The following LRP1B variants were observed in gnomAD, a reference collection of about 807,000 sequenced individuals.
LRP1B encodes low-density lipoprotein receptor-related protein 1B.
Under a neutral mutation model 556.6 loss-of-function variants are expected in LRP1B, and 217 were observed. The observed-to-expected ratio is 0.39, with a 90% CI of 0.35 to 0.44. LRP1B has a LOEUF of 0.44. LRP1B is among the 20% of genes least tolerant of loss of function. LRP1B has a pLI of 1.00. For synonymous variants in LRP1B, 2,047 were observed against 1,865.8 expected, an observed-to-expected ratio of 1.10 and a Z score of -2.50; for missense variants, 5,053 against 5,620.8, an observed-to-expected ratio of 0.90 and a Z score of 3.23.
At chr2:141,086,811 A>C (rs371986498) in intron 7 of LRP1B, among the ~76,000 whole-genome samples, 79 of 152,294 alleles carry the variant, frequency 5.2e-4, no homozygotes, top group African/African-American at 1.9e-3. Flanking sequence ...AGACACCCTC[A>C]GAAGCCAGCC....
intron 83 of LRP1B, among the ~76,000 whole-genome samples, chr2:140,301,190 C>T (rs1395243502): frequency 6.6e-6 from 1 of 151,992 alleles, no homozygotes; most frequent in African/African-American, 2.4e-5. Context: ...TCGATTCTAC[C>T]TTTCTAAAGG....
At chr2:140,578,665 C>T (rs1160016874) in intron 43 of LRP1B, among the ~76,000 whole-genome samples, 1 of 152,078 alleles carries the variant, frequency 6.6e-6, no homozygotes, top group Non-Finnish European at 1.5e-5. Context: ...GTGTGCAGCA[C>T]ACCAACATGG....
chr2:140,655,540 G>T (rs900922635), intron 41 of LRP1B, among the ~76,000 whole-genome samples: 1 of 152,152 alleles, frequency 6.6e-6, no homozygotes, highest in African/African-American at 2.4e-5. Context: ...TCATTCCTAG[G>T]TGCAGGAAGA....
intron 1 of LRP1B, among the ~76,000 whole-genome samples, chr2:142,118,249 C>G (rs894790521): frequency 2.6e-5 from 4 of 152,118 alleles, no homozygotes; most frequent in Non-Finnish European, 5.9e-5. Context: ...CGTGATGGAG[C>G]CATTACTGTT....
chr2:140,349,186 A>G (rs1681841555), intron 77 of LRP1B, among the ~76,000 whole-genome samples: 1 of 152,040 alleles, frequency 6.6e-6, no homozygotes, highest in African/African-American at 2.4e-5. Flanking sequence ...AGACCCCTGA[A>G]CTAGAACCCT....
At chr2:140,456,163 G>A (rs1687099309) in intron 62 of LRP1B, among the ~76,000 whole-genome samples, 2 of 152,090 alleles carry the variant, frequency 1.3e-5, no homozygotes, top group Non-Finnish European at 2.9e-5. Flanking sequence ...TTCCTGCTCT[G>A]TTTAAACTCC....
chr2:141,972,131 T>C (rs1056148498), intron 1 of LRP1B, among the ~76,000 whole-genome samples: 5 of 151,614 alleles, frequency 3.3e-5, no homozygotes, highest in African/African-American at 9.7e-5. Flanking sequence ...ACATGTATAT[T>C]ATTTTCCAAA....
chr2:140,981,170 G>A (rs767826068), intron 18 of LRP1B, among the ~76,000 whole-genome samples: 18 of 151,776 alleles, frequency 1.2e-4, no homozygotes, highest in African/African-American at 3.1e-4. Context: ...TGATGAGTGC[G>A]CTAAAATCTT....
intron 23 of LRP1B, among the ~76,000 whole-genome samples, chr2:140,899,785 G>T (rs760215222): frequency 1.3e-5 from 2 of 152,138 alleles, no homozygotes; most frequent in Non-Finnish European, 2.9e-5. Context: ...GCAACTTATC[G>T]ATAGAGGGCT....
intron 2 of LRP1B, among the ~76,000 whole-genome samples, chr2:141,489,692 C>T (rs995969877): frequency 3.3e-5 from 5 of 152,000 alleles, no homozygotes; most frequent in African/African-American, 7.2e-5. Flanking sequence ...ATTACTTTTA[C>T]GTCTGAGCTA....
intron 16 of LRP1B, 36 bp from the exon 17 acceptor site, chr2:140,989,693 A>G: frequency 6.2e-7 from 1 of 1,605,640 alleles, no homozygotes; most frequent in South Asian, 1.1e-5. Context: ...AATTATTTAA[A>G]ATTGGATAAA....
At chr2:142,104,073 C>T (rs910786064) in intron 1 of LRP1B, among the ~76,000 whole-genome samples, 2 of 152,108 alleles carry the variant, frequency 1.3e-5, no homozygotes, top group Non-Finnish European at 2.9e-5. Flanking sequence ...CAATTCTTTT[C>T]CACTTCCTTT....
At chr2:140,677,068 G>T (rs1685695755) in intron 41 of LRP1B, among the ~76,000 whole-genome samples, 1 of 152,202 alleles carries the variant, frequency 6.6e-6, no homozygotes, top group Admixed American at 6.5e-5. Flanking sequence ...TGTCAATAGA[G>T]ATTAGCAATG....
chr2:140,900,683 A>C (rs1694078328), intron 23 of LRP1B, among the ~76,000 whole-genome samples: 3 of 152,218 alleles, frequency 2.0e-5, no homozygotes, highest in Admixed American at 2.0e-4. Flanking sequence ...AAAAGTCTGT[A>C]ACCTGAATTC....
At chr2:141,049,357 A>G in intron 10 of LRP1B, 135 bp from the exon 11 acceptor site, 1 of 660,076 alleles carries the variant, frequency 1.5e-6, no homozygotes, top group Non-Finnish European at 2.7e-6. Flanking sequence ...AAATATGCCA[A>G]ATGTATCTTG....
chr2:140,600,777 T>C (rs1047626027), intron 42 of LRP1B, among the ~76,000 whole-genome samples: 1 of 128,024 alleles, frequency 7.8e-6, no homozygotes, highest in Admixed American at 7.6e-5. Flanking sequence ...GTTTTTTTTT[T>C]TTTTTTTTTT....
At chr2:142,022,054 G>T (rs898118217) in intron 1 of LRP1B, among the ~76,000 whole-genome samples, 6 of 152,058 alleles carry the variant, frequency 3.9e-5, no homozygotes, top group Non-Finnish European at 5.9e-5. Flanking sequence ...CATGAAACTA[G>T]ATTTTTCTTA....
At chr2:140,657,015 T>C (rs1292685012) in intron 41 of LRP1B, among the ~76,000 whole-genome samples, 2 of 152,096 alleles carry the variant, frequency 1.3e-5, no homozygotes, top group Non-Finnish European at 2.9e-5. Flanking sequence ...CCTTCTCTTA[T>C]TATATTTTAA....
chr2:141,751,900 T>C (rs1482897237), intron 2 of LRP1B, among the ~76,000 whole-genome samples: 1 of 150,940 alleles, frequency 6.6e-6, no homozygotes, highest in South Asian at 2.1e-4. Flanking sequence ...GTGTGTGCTT[T>C]TAAATTGTTT....
Sources: allele counts gnomAD v4.1 joint callset (sites outside exome capture counted in the v4.1 genomes callset), GRCh38; gene constraint gnomAD v4.1.1; transcripts MANE v1.5; gene names NCBI Gene and HGNC (gene_info 2026-07-23, HGNC 2026-07-21).